The following USP25 variants were observed in gnomAD, a reference collection of about 807,000 sequenced individuals.
The protein encoded by USP25 is ubiquitin specific peptidase 25.
USP25 carries 85 observed loss-of-function variants against 158.5 expected under a neutral mutation model. The ratio of observed to expected loss-of-function variants is 0.54; its 90% confidence interval spans 0.45 to 0.64. The LOEUF (loss-of-function observed/expected upper bound fraction) is 0.64. Among genes scored for constraint, USP25 ranks in the 30% least tolerant of loss-of-function variants. The pLI is 0.00. For synonymous variants in USP25, 464 were observed against 460.4 expected (o/e 1.01, Z -0.10); for missense variants, 1,242 against 1,327.3 (o/e 0.94, Z 1.00).
At position 15,826,786 on chromosome 21, in the gene USP25, A is replaced by G. The variant is rs1045483559; in HGVS notation, c.1467-191A>G. Among the ~76,000 whole-genome samples the G allele has an allele frequency of 6.6e-6, 1 of 152,230 alleles. No homozygotes were observed. Among genetic ancestry groups the G allele is most frequent in the African/African-American group, 2.4e-5 (1 of 41,456 alleles). On this transcript the variant is annotated intron_variant, in intron 13 of 25. Transcript: ENST00000400183. The surrounding 1 kb of genome is among the most constrained non-coding windows in gnomAD (Gnocchi z 4.8). ...ATTAAGCTGTTTTAACTCTAAAGCTACAACTTCATCTTATAATAATTTAGT... is the reference window on the plus strand; with the variant it reads ...ATTAAGCTGTTTTAACTCTAAAGCTGCAACTTCATCTTATAATAATTTAGT...
chr21:15,772,238 G>A (rs2034397949), intron 3 of USP25, among the ~76,000 whole-genome samples: 1 of 152,298 alleles, frequency 6.6e-6, no homozygotes, highest in East Asian at 1.9e-4. Flanking sequence ...GGTAGTTGGT[G>A]TATAAGTTTT....
chr21:15,872,014 GTTTTTTT>G (rs1158862222), intron 23 of USP25, among the ~76,000 whole-genome samples: 2,775 of 71,632 alleles, frequency 0.039, 38 homozygotes, highest in Non-Finnish European at 0.059. Context: ...AAGAAATACT[GTTTTTTT>G]TTTTTTTTTT....
chr21:15,744,146 A>G (rs2032317215), intron 1 of USP25: 1 of 152,944 alleles, frequency 6.5e-6, no homozygotes, highest in African/African-American at 2.4e-5. Context: ...TATGGTGTAA[A>G]GTGGGTAGGG....
At chr21:15,740,108 T>C (rs963777710) in intron 1 of USP25, among the ~76,000 whole-genome samples, 7 of 152,220 alleles carry the variant, frequency 4.6e-5, no homozygotes, top group South Asian at 2.1e-4. Context: ...TAATATGGTT[T>C]TTATGGACTG....
Position 15,766,776 on chromosome 21 carries a change from A to G in USP25, c.268+635A>G, listed in dbSNP as rs2034063114. ...TTTCAAACTATGTTCAGTTACCTTC[A>G]TATCTCATTATAGTTTAATAATTGT... On this transcript the variant is annotated intron_variant, in intron 3 of 25. Transcript: ENST00000400183. This position sits in a 1 kb window ranked among gnomAD's most constrained non-coding sequence, Gnocchi z 4.0. Among the ~76,000 whole-genome samples, 1 of 152,060 alleles carries G rather than the reference A, an allele frequency of 6.6e-6. No homozygotes were observed. Among genetic ancestry groups the G allele is most frequent in the Non-Finnish European group, 1.5e-5 (1 of 67,964 alleles).
intron 20 of USP25, among the ~76,000 whole-genome samples, chr21:15,863,821 G>A (rs2039535861): frequency 6.6e-6 from 1 of 151,768 alleles, no homozygotes; most frequent in Admixed American, 6.6e-5. Flanking sequence ...CGGATTATGA[G>A]GTCAGGAGTT....
intron 3 of USP25, among the ~76,000 whole-genome samples, chr21:15,772,119 A>G (rs1175311743): frequency 1.3e-5 from 2 of 152,180 alleles, no homozygotes; most frequent in Admixed American, 1.3e-4. Context: ...TAATATTTTC[A>G]TGGGAAAGTG....
intron 17 of USP25, among the ~76,000 whole-genome samples, chr21:15,833,961 C>T (rs927945086): frequency 7.9e-5 from 12 of 151,918 alleles, no homozygotes; most frequent in Non-Finnish European, 1.5e-4. Context: ...TTAAATTTGG[C>T]CAAAATAATA....
chr21:15,841,519 G>GCTTACTGCATGGACTCTCCATT (rs2038334139), intron 17 of USP25, among the ~76,000 whole-genome samples: 1 of 151,880 alleles, frequency 6.6e-6, no homozygotes, highest in East Asian at 1.9e-4. Context: ...TGTAGTCCAT[G>GCTTACTGCATGGACTCTCCATT]CTTACTGCAT....
At chr21:15,797,833 G>GA (rs1013335515) in intron 5 of USP25, among the ~76,000 whole-genome samples, 1 of 151,168 alleles carries the variant, frequency 6.6e-6, no homozygotes, top group Admixed American at 6.6e-5. Context: ...CTGAGAGAGA[G>GA]AAGGAGAGGG....
intron 24 of USP25, among the ~76,000 whole-genome samples, chr21:15,874,818 G>T (rs1243877250): frequency 2.6e-5 from 4 of 151,620 alleles, no homozygotes; most frequent in African/African-American, 9.7e-5. Flanking sequence ...TCCTTTTTTT[G>T]GTGGGAGAGG....
intron 21 of USP25, 39 bp downstream of exon 21, chr21:15,864,485 C>CTTT: frequency 1.7e-6 from 2 of 1,176,154 alleles, no homozygotes; most frequent in Non-Finnish European, 1.1e-6. Flanking sequence ...TCAAATCGTT[C>CTTT]TTTTTTTTTT....
intron 16 of USP25, among the ~76,000 whole-genome samples, chr21:15,832,606 G>T (rs566799477): frequency 6.6e-6 from 1 of 152,068 alleles, no homozygotes; most frequent in South Asian, 2.1e-4. Context: ...AGCTAATAAG[G>T]TTAACATGAT....
chr21:15,794,696 C>T (rs2035770741), intron 5 of USP25, among the ~76,000 whole-genome samples: 1 of 151,354 alleles, frequency 6.6e-6, no homozygotes, highest in Non-Finnish European at 1.5e-5. Flanking sequence ...GTCCTAAAGC[C>T]CTGCTGTGTA....
chr21:15,732,373 T>C (rs182740054), intron 1 of USP25, among the ~76,000 whole-genome samples: 6 of 152,350 alleles, frequency 3.9e-5, no homozygotes, highest in East Asian at 3.9e-4. Flanking sequence ...GTTACTCATA[T>C]TAGAACTATT....
intron 20 of USP25, among the ~76,000 whole-genome samples, chr21:15,862,465 A>G (rs2823513): frequency 0.15 from 22,225 of 151,970 alleles, 1,751 homozygotes; most frequent in African/African-American, 0.2. Context: ...GACAATCATT[A>G]TCGAAGGTTC....
intron 17 of USP25, among the ~76,000 whole-genome samples, chr21:15,834,207 G>A (rs2037948211): frequency 6.6e-6 from 1 of 152,246 alleles, no homozygotes; most frequent in East Asian, 1.9e-4. Flanking sequence ...ATAAGTCAAA[G>A]TAAACACTGT....
At chr21:15,765,919 A>G in intron 2 of USP25, 78 bp from the exon 3 acceptor site, 1 of 1,449,276 alleles carries the variant, frequency 6.9e-7, no homozygotes, top group Admixed American at 2.3e-5. Context: ...CTAGAGAGTT[A>G]TGGAGAATAT....
At chr21:15,809,544 G>A (rs114293235) in intron 8 of USP25, among the ~76,000 whole-genome samples, 2,404 of 152,226 alleles carry the variant, frequency 0.016, 68 homozygotes, top group African/African-American at 0.054. Flanking sequence ...CTTGTGCAGT[G>A]TTGGTGAGGA....
Sources: gnomAD v4.1 joint callset for allele counts (sites outside exome capture counted in the v4.1 genomes callset) on GRCh38, gnomAD v4.1.1 for gene constraint, Gnocchi (gnomAD v3.1) non-coding constraint, MANE v1.5 for transcripts, NCBI Gene and HGNC (gene_info 2026-07-23, HGNC 2026-07-21) for gene names.